Variants in DHX35 observed in about 807,000 individuals in gnomAD.
The protein encoded by DHX35 is probable ATP-dependent RNA helicase DHX35.
Under a neutral mutation model 99.6 loss-of-function variants are expected in DHX35, and 84 were observed. The observed-to-expected ratio is 0.84, with a 90% CI of 0.71 to 1.01. The LOEUF is 1.01. Among genes scored for constraint, DHX35 ranks in the 50% least tolerant of loss-of-function variants. The pLI is 0.00. For synonymous variants in DHX35, 331 were observed against 316.2 expected, an observed-to-expected ratio of 1.05 and a Z score of -0.50; for missense variants, 852 against 888.5, an observed-to-expected ratio of 0.96 and a Z score of 0.52.
At chr20:38,993,573 C>G (rs889333210) in intron 7 of DHX35, among the ~76,000 whole-genome samples, 1 of 152,136 alleles carries the variant, frequency 6.6e-6, no homozygotes, top group Non-Finnish European at 1.5e-5. Context: ...CCATGTTAGT[C>G]AGGCTGGTCT....
At chr20:38,964,074 A>G (rs1366828870) in intron 1 of DHX35, among the ~76,000 whole-genome samples, 5 of 152,220 alleles carry the variant, frequency 3.3e-5, no homozygotes, top group Admixed American at 6.5e-5. Flanking sequence ...TTGGCACTAG[A>G]TAGGTTACTA....
chr20:39,002,739 C>G (rs763174598), intron 9 of DHX35, 33 bp from the exon 10 acceptor site: 1 of 1,570,224 alleles, frequency 6.4e-7, no homozygotes. Flanking sequence ...TGAGCATATT[C>G]TAGTGATGAA....
chr20:39,012,039 G>A (rs980587598), intron 13 of DHX35, among the ~76,000 whole-genome samples: 9 of 152,164 alleles, frequency 5.9e-5, no homozygotes, highest in East Asian at 1.9e-4. Flanking sequence ...CTTGAGGTCC[G>A]GACTTCAAGA....
chr20:38,975,972 A>G (rs561210121), intron 3 of DHX35, among the ~76,000 whole-genome samples: 1 of 152,302 alleles, frequency 6.6e-6, no homozygotes, highest in East Asian at 1.9e-4. Flanking sequence ...ACAATGATAA[A>G]TATATCACAG....
chr20:38,967,145 GA>G lies in DHX35; in HGVS notation c.41-1934del, dbSNP rs958903528. Among the ~76,000 whole-genome samples the G allele has an allele frequency of 1.3e-4, 19 of 150,286 alleles. No homozygotes were observed. In the South Asian group the frequency reaches 1.9e-3, roughly 15 times the overall value. ...CTCTAGGGGGTCTACGGACCCCCCC[GA>G]ATTTTATATTCTGGTAAATTCTGGT... is the stretch of plus-strand genomic sequence containing the variant. On this transcript the variant is annotated intron_variant, in intron 1 of 21. Coordinates refer to ENST00000252011, the MANE Select transcript of DHX35 (RefSeq NM_021931.4).
chr20:38,996,777 G>A (rs1237616708), intron 8 of DHX35, among the ~76,000 whole-genome samples: 1 of 152,114 alleles, frequency 6.6e-6, no homozygotes, highest in Non-Finnish European at 1.5e-5. Context: ...GGAGTCTGTT[G>A]TTTTAGGTCT....
chr20:39,029,104 A>T (rs1220169406), intron 19 of DHX35: 1 of 152,398 alleles, frequency 6.6e-6, no homozygotes, highest in African/African-American at 2.4e-5. Flanking sequence ...CAGTATCATG[A>T]TTCTCCAAAC....
At chr20:39,004,118 A>C (rs1467442864) in intron 11 of DHX35, among the ~76,000 whole-genome samples, 1 of 152,062 alleles carries the variant, frequency 6.6e-6, no homozygotes, top group East Asian at 1.9e-4. Context: ...GCTGGAGTGC[A>C]GTGGCGCGAT....
rs765403602 is a variant in DHX35, at chr20:39,001,728, A to T, written c.643-2A>T. 1 of 1,598,616 alleles carries T rather than the reference A, an allele frequency of 6.3e-7. No individual in the cohort carries two copies. The highest frequency in any genetic ancestry group is 1.7e-5 in the Admixed American group (1 of 57,262). On this transcript the variant is annotated splice_acceptor_variant, in intron 8 of 21. Transcript: ENST00000252011. LOFTEE classifies it high-confidence loss of function. ...ATGAAGAATTAATTTTTTTCTTTTTAGAAATTCCGGGATTTCTTTAATCAA... is the reference window on the plus strand; with the variant it reads ...ATGAAGAATTAATTTTTTTCTTTTTTGAAATTCCGGGATTTCTTTAATCAA...
intron 16 of DHX35, among the ~76,000 whole-genome samples, chr20:39,023,306 A>G (rs1480814113): frequency 6.6e-6 from 1 of 152,370 alleles, no homozygotes; most frequent in Non-Finnish European, 1.5e-5. Context: ...TTCTGAATCC[A>G]TAACCCACAC....
intron 1 of DHX35, among the ~76,000 whole-genome samples, chr20:38,968,418 G>A (rs904693432): frequency 2.6e-5 from 4 of 152,162 alleles, no homozygotes; most frequent in African/African-American, 4.8e-5. Flanking sequence ...AATTCCCACT[G>A]GGTTTCTTTC....
chr20:39,000,791 T>G (rs1301845335), intron 8 of DHX35, among the ~76,000 whole-genome samples: 1 of 151,832 alleles, frequency 6.6e-6, no homozygotes, highest in Non-Finnish European at 1.5e-5. Flanking sequence ...TGAGTAGAGG[T>G]GGGGAATGGA....
chr20:39,003,768 T>A lies in DHX35; in HGVS notation c.872T>A (p.Val291Glu). 6.2e-7 allele frequency: 1 copy of A among 1,614,010 alleles called. No individual in the cohort carries two copies. The highest frequency in any genetic ancestry group is 2.2e-5 in the East Asian group (1 of 44,878). Residue 291 changes from valine to glutamate, a missense_variant, in exon 11 of 22, where the codon GTG (valine) becomes GAG (glutamate). Transcript: ENST00000252011. The part of the protein sequence containing the change: ...LTGQEEVETV[V>E]SMLIEQARAL... ...CTTTAGGAAGAGGTAGAAACTGTTG[T>A]GTCGATGCTCATCGAGCAGGCTCGA...
intron 3 of DHX35, among the ~76,000 whole-genome samples, chr20:38,982,729 G>A (rs1050204480): frequency 1.3e-5 from 2 of 151,960 alleles, no homozygotes; most frequent in African/African-American, 2.4e-5. Flanking sequence ...TTGAACACAT[G>A]AGCAGGTACA....
intron 12 of DHX35, among the ~76,000 whole-genome samples, chr20:39,009,991 A>G (rs1029651797): frequency 2.0e-5 from 3 of 152,188 alleles, no homozygotes; most frequent in Non-Finnish European, 4.4e-5. Context: ...GTGATTCAGC[A>G]AGTACTTGTT....
At chr20:39,012,329 A>G (rs2086716054) in intron 13 of DHX35, among the ~76,000 whole-genome samples, 1 of 152,212 alleles carries the variant, frequency 6.6e-6, no homozygotes, top group Non-Finnish European at 1.5e-5. Context: ...AGAAAAACAT[A>G]CAGTGACAGA....
intron 3 of DHX35, among the ~76,000 whole-genome samples, chr20:38,976,418 CTTTTTT>C (rs11468335): frequency 1.5e-5 from 2 of 133,214 alleles, no homozygotes; most frequent in African/African-American, 2.8e-5. Flanking sequence ...TATGCCTTGA[CTTTTTT>C]TTTTTTTTTT....
At position 38,988,937 on chromosome 20, in the gene DHX35, T is replaced by C; in HGVS notation, c.450+20T>C. ...ATTAAGGTAAAGTGCTCAAGCTGCT[T>C]TTCCTAGTGGAAATAAGGAAGAAGG... On this transcript the variant is annotated intron_variant, in intron 5 of 21. Transcript: ENST00000252011. 1.2e-6 allele frequency: 2 copies of C among 1,607,658 alleles called. No individual in the cohort carries two copies. Among genetic ancestry groups the C allele is most frequent in the Non-Finnish European group, 1.7e-6 (2 of 1,174,842 alleles).
At chr20:39,003,954 A>G (rs774911155) in intron 11 of DHX35, 47 bp downstream of exon 11, 6 of 1,599,900 alleles carry the variant, frequency 3.8e-6, no homozygotes, top group East Asian at 2.2e-5. Context: ...GTCTATAATC[A>G]TAATGATGCT....
Sources: gnomAD v4.1 joint callset for allele counts (sites outside exome capture counted in the v4.1 genomes callset) on GRCh38, gnomAD v4.1.1 for gene constraint, MANE v1.5 for transcripts, NCBI Gene and HGNC (gene_info 2026-07-23, HGNC 2026-07-21) for gene names.